Variants in GHR observed in about 807,000 individuals in gnomAD.
GHR encodes the protein GH receptor.
In GHR, 35 loss-of-function variants were observed where a neutral mutation model predicts 67.1. The observed-to-expected ratio is 0.52, with a 90% CI of 0.40 to 0.69. The LOEUF (loss-of-function observed/expected upper bound fraction) is 0.69, where lower values mean the gene tolerates loss of function less well. GHR is among the 30% of genes least tolerant of loss of function. The probability of loss-of-function intolerance (pLI) is 0.00; values close to 1 mark genes in which losing one functional copy is unlikely to be tolerated. For missense variants in GHR, 792 were observed against 764.6 expected, an observed-to-expected ratio of 1.04 and a Z score of -0.42; for synonymous variants, 272 against 269.1, an observed-to-expected ratio of 1.01 and a Z score of -0.10.
At chr5:42,653,332 T>C (rs1480798750) in intron 3 of GHR, among the ~76,000 whole-genome samples, 1 of 152,130 alleles carries the variant, frequency 6.6e-6, no homozygotes, top group Non-Finnish European at 1.5e-5. Context: ...CGTATTAGTT[T>C]TCTAGAATCA....
At chr5:42,677,998 G>A (rs1166290874) in intron 3 of GHR, among the ~76,000 whole-genome samples, 2 of 152,140 alleles carry the variant, frequency 1.3e-5, no homozygotes, top group African/African-American at 4.8e-5. Context: ...CTGATTGTGA[G>A]GATGGAAATA....
intron 6 of GHR, among the ~76,000 whole-genome samples, chr5:42,704,862 C>T (rs1027340720): frequency 1.9e-4 from 29 of 151,588 alleles, no homozygotes; most frequent in Admixed American, 1.8e-3. Context: ...TGTAATGTCT[C>T]CTCCTTCATT....
intron 1 of GHR, among the ~76,000 whole-genome samples, chr5:42,527,856 A>C (rs1561097413): frequency 6.6e-6 from 1 of 152,212 alleles, no homozygotes; most frequent in Non-Finnish European, 1.5e-5. Context: ...TACAATTTCA[A>C]AAATCAGAGG....
intron 1 of GHR, among the ~76,000 whole-genome samples, chr5:42,531,575 A>G (rs1000442996): frequency 6.6e-5 from 10 of 152,174 alleles, no homozygotes; most frequent in African/African-American, 2.2e-4. Flanking sequence ...CCTGGGCTCA[A>G]GCAATCCACA....
chr5:42,576,597 A>G (rs538789969), intron 2 of GHR, among the ~76,000 whole-genome samples: 2 of 152,322 alleles, frequency 1.3e-5, no homozygotes, highest in Non-Finnish European at 2.9e-5. Context: ...TGCCTAAAAG[A>G]AGCGGTTTAT....
chr5:42,473,691 A>G (rs1444981063), intron 1 of GHR, among the ~76,000 whole-genome samples: 1 of 151,774 alleles, frequency 6.6e-6, no homozygotes, highest in East Asian at 2.0e-4. Flanking sequence ...ATCCTGGCCA[A>G]CATGGTGAAA....
In GHR at chr5:42,433,920, T is replaced by C. The variant is rs577364604; in HGVS notation, c.-12+9965T>C. ...AAGCTCTTCCCATTGCTTATTATGGTCGCTGCATATAGGCTCATCCCTTGG... is the reference window on the plus strand; with the variant it reads ...AAGCTCTTCCCATTGCTTATTATGGCCGCTGCATATAGGCTCATCCCTTGG... On this transcript the variant is annotated intron_variant, in intron 1 of 9. Transcript: ENST00000230882. 9.9e-5 allele frequency among the ~76,000 whole-genome samples: 15 copies of C among 152,068 alleles called. No individual in the cohort carries two copies. The South Asian group carries it at 2.9e-3, about 29-fold the overall frequency.
At chr5:42,449,965 G>A (rs1430677528) in intron 1 of GHR, among the ~76,000 whole-genome samples, 5 of 151,956 alleles carry the variant, frequency 3.3e-5, no homozygotes, top group Non-Finnish European at 5.9e-5. Context: ...TACATCCCTG[G>A]TATGAAACCA....
chr5:42,608,113 G>C (rs1752714741), intron 2 of GHR, among the ~76,000 whole-genome samples: 1 of 152,090 alleles, frequency 6.6e-6, no homozygotes, highest in Non-Finnish European at 1.5e-5. Context: ...TTGAGCCCCA[G>C]TTTTCTCATC....
intron 1 of GHR, among the ~76,000 whole-genome samples, chr5:42,484,461 T>C (rs1446114561): frequency 6.6e-6 from 1 of 152,202 alleles, no homozygotes; most frequent in South Asian, 2.1e-4. Context: ...GAAATTGTAA[T>C]GATTAGCCTG....
chr5:42,637,486 A>G lies in GHR; in HGVS notation c.136+8383A>G, dbSNP rs115491357. ...ACCACTCTAGTAGTCCCCTGTGTCT[A>G]CTGTTGCCATCTTTATACCCATGTT... On this transcript the variant is annotated intron_variant, in intron 3 of 9. Coordinates refer to ENST00000230882, the MANE Select transcript of GHR (RefSeq NM_000163.5). 3.7e-3 allele frequency among the ~76,000 whole-genome samples: 560 copies of G among 152,220 alleles called. 4 individuals are homozygous for G. Among genetic ancestry groups the G allele is most frequent in the African/African-American group, 0.013 (532 of 41,510 alleles).
intron 3 of GHR, among the ~76,000 whole-genome samples, chr5:42,644,472 A>G (rs1754631941): frequency 6.6e-6 from 1 of 152,172 alleles, no homozygotes; most frequent in Non-Finnish European, 1.5e-5. Context: ...AGAGAGGGAG[A>G]ATCACGGATT....
intron 1 of GHR, among the ~76,000 whole-genome samples, chr5:42,455,186 T>C (rs991019104): frequency 1.3e-5 from 2 of 152,186 alleles, no homozygotes; most frequent in Non-Finnish European, 2.9e-5. Context: ...AGGATATGTG[T>C]TTGGAGGCAG....
At chr5:42,560,507 T>C (rs1012067401) in intron 1 of GHR, among the ~76,000 whole-genome samples, 3 of 152,162 alleles carry the variant, frequency 2.0e-5, no homozygotes, top group Non-Finnish European at 4.4e-5. Context: ...ACTTTTAATA[T>C]AATTTTTGAT....
chr5:42,478,903 C>G (rs1001117788), intron 1 of GHR, among the ~76,000 whole-genome samples: 8 of 152,100 alleles, frequency 5.3e-5, no homozygotes, highest in African/African-American at 1.7e-4. Context: ...TTGCCCTGGC[C>G]AGAACTTCCA....
Position 42,634,507 on chromosome 5 carries a change from G to A in GHR, c.136+5404G>A, listed in dbSNP as rs537367176. ...GACATATGCTGAGTATTTCACGGAT[G>A]GTTATTGAATTTTGCACACACACAC... On this transcript the variant is annotated intron_variant, in intron 3 of 9. Transcript: ENST00000230882. Among the ~76,000 whole-genome samples the A allele has an allele frequency of 5.5e-5, 8 of 144,646 alleles. No individual in the cohort carries two copies. In the South Asian group the frequency reaches 1.7e-3, roughly 31 times the overall value. 94.9% of individuals were successfully genotyped at this position (144,646 alleles called of 152,430 possible).
At chr5:42,596,262 A>C (rs1752064854) in intron 2 of GHR, among the ~76,000 whole-genome samples, 1 of 152,132 alleles carries the variant, frequency 6.6e-6, no homozygotes, top group Admixed American at 6.5e-5. Context: ...GTGCTTCATA[A>C]TGTGTTAAAT....
intron 1 of GHR, among the ~76,000 whole-genome samples, chr5:42,536,581 G>C (rs1748265672): frequency 6.6e-6 from 1 of 152,096 alleles, no homozygotes; most frequent in Admixed American, 6.6e-5. Context: ...TTTTGTTAAA[G>C]AGTTTAGCAT....
chr5:42,633,801 C>T (rs1354890828), intron 3 of GHR, among the ~76,000 whole-genome samples: 4 of 152,100 alleles, frequency 2.6e-5, no homozygotes, highest in Non-Finnish European at 5.9e-5. Context: ...GTTTATATTC[C>T]CTGCAGTCTT....
Sources: allele counts gnomAD v4.1 joint callset (sites outside exome capture counted in the v4.1 genomes callset), GRCh38; gene constraint gnomAD v4.1.1; transcripts MANE v1.5; gene names NCBI Gene and HGNC (gene_info 2026-07-23, HGNC 2026-07-21).